NTNG1: variants seen among roughly 807,000 people sequenced by gnomAD.
The protein encoded by NTNG1 is netrin G1.
Under a neutral mutation model 54.0 loss-of-function variants are expected in NTNG1, and 16 were observed. That is an observed-to-expected ratio of 0.30 (90% confidence interval 0.20 to 0.45). The LOEUF (loss-of-function observed/expected upper bound fraction) is 0.45, where lower values mean the gene tolerates loss of function less well. Among genes scored for constraint, NTNG1 ranks in the 20% least tolerant of loss-of-function variants. The pLI is 1.00. For missense variants in NTNG1, 530 were observed against 678.7 expected (o/e 0.78, Z 2.43); for synonymous variants, 255 against 263.1 (o/e 0.97, Z 0.30).
At chr1:107,219,914 A>AGT (rs200836219) in intron 2 of NTNG1, among the ~76,000 whole-genome samples, 634 of 152,264 alleles carry the variant, frequency 4.2e-3, no homozygotes, top group South Asian at 7.5e-3. Flanking sequence ...CATTAGTTGC[A>AGT]GTAGTATAGG....
intron 7 of NTNG1, 21 bp from the exon 8 acceptor site, chr1:107,480,590 A>AACAAAC (rs2101618226): frequency 1.1e-5 from 4 of 352,590 alleles, no homozygotes; most frequent in African/African-American, 3.8e-5. Context: ...ACCCACCCCT[A>AACAAAC]CCTTCCCCCT....
Position 107,395,149 on chromosome 1 carries a change from C to A in NTNG1, c.888-5C>A. 1.2e-6 allele frequency: 2 copies of A among 1,610,866 alleles called. No individual in the cohort carries two copies. Among genetic ancestry groups the A allele is most frequent in the Non-Finnish European group, 1.7e-6 (2 of 1,178,002 alleles). On this transcript the variant is annotated splice_region_variant and splice_polypyrimidine_tract_variant and intron_variant, in intron 3 of 7. Transcript: ENST00000370068. ...CAATGAACTCTTTGTCTCTCCTCTG[C>A]CCAGGTGCAAGTGTAATCTCCATGC...
chr1:107,438,174 A>G (rs1675730073), intron 7 of NTNG1, among the ~76,000 whole-genome samples: 1 of 152,176 alleles, frequency 6.6e-6, no homozygotes, highest in African/African-American at 2.4e-5. Flanking sequence ...ATATAACTCC[A>G]AAGTGAAATG....
At chr1:107,433,286 G>A (rs1262657367) in intron 6 of NTNG1, among the ~76,000 whole-genome samples, 2 of 152,186 alleles carry the variant, frequency 1.3e-5, no homozygotes, top group African/African-American at 4.8e-5. Flanking sequence ...GCTAATGCCT[G>A]TAATCCCAGC....
chr1:107,424,346 CTAGCAAT>C (rs1674755040), intron 5 of NTNG1, among the ~76,000 whole-genome samples: 2 of 152,036 alleles, frequency 1.3e-5, no homozygotes, highest in Non-Finnish European at 2.9e-5. Flanking sequence ...GAGGTGAGTG[CTAGCAAT>C]GAGCCCCCAG....
chr1:107,306,137 C>T (rs965421191), intron 2 of NTNG1, among the ~76,000 whole-genome samples: 1 of 151,914 alleles, frequency 6.6e-6, no homozygotes, highest in Non-Finnish European at 1.5e-5. Context: ...CTACTACTAT[C>T]CTATAGAAAT....
At position 107,314,094 on chromosome 1, in the gene NTNG1, C is replaced by G. The variant is rs140131519; in HGVS notation, c.247-10188C>G. Among the ~76,000 whole-genome samples the G allele has an allele frequency of 3.9e-5, 6 of 152,236 alleles. No homozygotes were observed. In the East Asian group the frequency reaches 1.2e-3, roughly 29 times the overall value. On this transcript the variant is annotated intron_variant, in intron 2 of 7. Transcript: ENST00000370068. The stretch of plus-strand genomic sequence containing the variant: ...ACCCCTCAGGTGACCTCGAATCCTC[C>G]CATTCAAATCTGCTCTTTAAAAAAT...
chr1:107,372,844 T>C (rs1483733670), intron 3 of NTNG1, among the ~76,000 whole-genome samples: 2 of 152,152 alleles, frequency 1.3e-5, no homozygotes, highest in Non-Finnish European at 1.5e-5. Context: ...ATTAGAATTA[T>C]TTTGTTCTTT....
At chr1:107,244,702 C>CTCTG (rs889568667) in intron 2 of NTNG1, among the ~76,000 whole-genome samples, 6 of 152,188 alleles carry the variant, frequency 3.9e-5, no homozygotes, top group Admixed American at 6.5e-5. Context: ...CTCCCTTCTT[C>CTCTG]TCTGTCTGTC....
chr1:107,283,462 G>A (rs540094073), intron 2 of NTNG1, among the ~76,000 whole-genome samples: 128 of 152,186 alleles, frequency 8.4e-4, no homozygotes, highest in African/African-American at 2.8e-3. Context: ...ACCCACATGG[G>A]TTATGTTAGT....
intron 3 of NTNG1, among the ~76,000 whole-genome samples, chr1:107,393,286 C>A (rs1047900561): frequency 2.0e-5 from 3 of 152,130 alleles, no homozygotes; most frequent in African/African-American, 7.2e-5. Flanking sequence ...TCAGTATAAG[C>A]TGGTGCTTCT....
chr1:107,318,387 T>C (rs933049570), intron 2 of NTNG1, among the ~76,000 whole-genome samples: 1 of 151,846 alleles, frequency 6.6e-6, no homozygotes, highest in Non-Finnish European at 1.5e-5. Flanking sequence ...AGCACAGAGG[T>C]AGTGTTGCTG....
At chr1:107,151,415 C>T (rs896405273) in intron 2 of NTNG1, among the ~76,000 whole-genome samples, 1 of 152,164 alleles carries the variant, frequency 6.6e-6, no homozygotes, top group African/African-American at 2.4e-5. Context: ...CTTATGCGTT[C>T]TCCCCTCCTT....
At chr1:107,386,446 T>C (rs1672006527) in intron 3 of NTNG1, among the ~76,000 whole-genome samples, 1 of 152,140 alleles carries the variant, frequency 6.6e-6, no homozygotes, top group Admixed American at 6.6e-5. Context: ...AGTGCTGGGA[T>C]TACAGGCGTG....
At chr1:107,318,014 G>A (rs187860823) in intron 2 of NTNG1, among the ~76,000 whole-genome samples, 1 of 152,330 alleles carries the variant, frequency 6.6e-6, no homozygotes, top group Admixed American at 6.5e-5. Context: ...TGTCACAACA[G>A]TTTCAGACTA....
intron 2 of NTNG1, among the ~76,000 whole-genome samples, chr1:107,252,143 G>A (rs966831770): frequency 2.4e-4 from 36 of 152,212 alleles, no homozygotes; most frequent in African/African-American, 8.2e-4. Context: ...AAGACTGCCT[G>A]GCTTATAATA....
At chr1:107,442,313 A>C (rs1676014329) in intron 7 of NTNG1, among the ~76,000 whole-genome samples, 1 of 152,112 alleles carries the variant, frequency 6.6e-6, no homozygotes, top group African/African-American at 2.4e-5. Context: ...AAAAGGTAGG[A>C]TGTTAGACCT....
At chr1:107,440,838 T>G (rs1009072499) in intron 7 of NTNG1, among the ~76,000 whole-genome samples, 14 of 152,060 alleles carry the variant, frequency 9.2e-5, no homozygotes, top group African/African-American at 3.4e-4. Flanking sequence ...GGCCACCAAT[T>G]ATGTACTGTG....
intron 2 of NTNG1, among the ~76,000 whole-genome samples, chr1:107,290,248 T>C (rs1379226077): frequency 6.6e-6 from 1 of 152,196 alleles, no homozygotes; most frequent in Non-Finnish European, 1.5e-5. Flanking sequence ...AATAGAATTA[T>C]CTCACAATTC....
Sources: allele counts gnomAD v4.1 joint callset (sites outside exome capture counted in the v4.1 genomes callset), GRCh38; gene constraint gnomAD v4.1.1; transcripts MANE v1.5; gene names NCBI Gene and HGNC (gene_info 2026-07-23, HGNC 2026-07-21).